ASIC2: variants seen among roughly 807,000 people sequenced by gnomAD.
ASIC2 encodes acid-sensing ion channel 2.
A neutral mutation model predicts 57.3 loss-of-function variants in ASIC2; 25 were observed. That is an observed-to-expected ratio of 0.44 (90% CI 0.32 to 0.61). The LOEUF is 0.61. Among genes scored for constraint, ASIC2 ranks in the 20% least tolerant of loss-of-function variants. The pLI is 0.06. For synonymous variants in ASIC2, 319 were observed against 307.5 expected (o/e 1.04, Z -0.39); for missense variants, 641 against 738.1 (o/e 0.87, Z 1.52).
At chr17:33,258,011 C>T (rs997755368) in intron 1 of ASIC2, among the ~76,000 whole-genome samples, 3 of 152,194 alleles carry the variant, frequency 2.0e-5, no homozygotes, top group Non-Finnish European at 2.9e-5. Flanking sequence ...ATGCCTGGCA[C>T]GTTGTAAGTG....
At chr17:34,087,432 T>C (rs183936110) in intron 1 of ASIC2, among the ~76,000 whole-genome samples, 2,692 of 152,272 alleles carry the variant, frequency 0.018, 73 homozygotes, top group East Asian at 0.059. Flanking sequence ...TGGGCTTCCC[T>C]TTGTGGGTAA....
At chr17:33,879,742 G>T (rs1051070755) in intron 1 of ASIC2, among the ~76,000 whole-genome samples, 2 of 152,246 alleles carry the variant, frequency 1.3e-5, no homozygotes, top group Admixed American at 1.3e-4. Flanking sequence ...ATTCAGCTCC[G>T]CACCAAGCGG....
chr17:33,163,018 G>A (rs1204762713), intron 1 of ASIC2, among the ~76,000 whole-genome samples: 2 of 152,112 alleles, frequency 1.3e-5, no homozygotes, highest in Non-Finnish European at 2.9e-5. Context: ...CCTGTTCTTG[G>A]GCTAAGCTTT....
intron 1 of ASIC2, among the ~76,000 whole-genome samples, chr17:33,184,110 C>A (rs1906093623): frequency 6.6e-6 from 1 of 152,174 alleles, no homozygotes; most frequent in Non-Finnish European, 1.5e-5. Flanking sequence ...CACAACCCAA[C>A]CCCTTTACTT....
chr17:33,444,778 CT>C (rs1003907701), intron 1 of ASIC2, among the ~76,000 whole-genome samples: 3 of 152,230 alleles, frequency 2.0e-5, no homozygotes, highest in Non-Finnish European at 2.9e-5. Flanking sequence ...CAGCTCACCC[CT>C]AGCTGCCCTC....
chr17:33,507,330 C>T (rs183411599), intron 1 of ASIC2, among the ~76,000 whole-genome samples: 120 of 152,314 alleles, frequency 7.9e-4, no homozygotes, highest in Non-Finnish European at 1.6e-3. Context: ...TTGGCCTTAT[C>T]GGCAAGCACA....
intron 1 of ASIC2, among the ~76,000 whole-genome samples, chr17:33,879,816 C>T (rs1247175921): frequency 6.6e-6 from 1 of 152,194 alleles, no homozygotes; most frequent in Non-Finnish European, 1.5e-5. Context: ...TTTTCAGCAC[C>T]ACACCACACC....
chr17:33,201,044 C>T (rs1906838100), intron 1 of ASIC2, among the ~76,000 whole-genome samples: 1 of 152,194 alleles, frequency 6.6e-6, no homozygotes, highest in South Asian at 2.1e-4. Context: ...GCCACCTTCT[C>T]GGAGAGACCT....
At chr17:33,981,944 A>G (rs1905641295) in intron 1 of ASIC2, among the ~76,000 whole-genome samples, 1 of 152,214 alleles carries the variant, frequency 6.6e-6, no homozygotes, top group African/African-American at 2.4e-5. Context: ...CATCTTAACC[A>G]CTACTATCAG....
chr17:34,132,330 T>G (rs1260193937), intron 1 of ASIC2, among the ~76,000 whole-genome samples: 3 of 152,118 alleles, frequency 2.0e-5, no homozygotes, highest in East Asian at 3.9e-4. Context: ...AGATTTATTG[T>G]GAAGAACAAA....
At chr17:33,969,807 G>T (rs1905174427) in intron 1 of ASIC2, among the ~76,000 whole-genome samples, 1 of 152,158 alleles carries the variant, frequency 6.6e-6, no homozygotes, top group Non-Finnish European at 1.5e-5. Context: ...CCAGGTGCTT[G>T]TTGTAGAATG....
chr17:33,143,838 T>A (rs1227050513), intron 1 of ASIC2, among the ~76,000 whole-genome samples: 5 of 152,222 alleles, frequency 3.3e-5, no homozygotes, highest in African/African-American at 1.2e-4. Context: ...AAAAGATGTA[T>A]GCATAAAGGA....
chr17:33,350,814 T>G (rs1908139623), intron 1 of ASIC2, among the ~76,000 whole-genome samples: 1 of 152,108 alleles, frequency 6.6e-6, no homozygotes, highest in African/African-American at 2.4e-5. Flanking sequence ...TTTTAGTTTC[T>G]TGTTGCAAAA....
intron 1 of ASIC2, among the ~76,000 whole-genome samples, chr17:33,134,928 G>T (rs1369275688): frequency 1.3e-5 from 2 of 152,232 alleles, no homozygotes; most frequent in African/African-American, 4.8e-5. Context: ...CTAAGTCAGA[G>T]ACTTAGGATA....
intron 3 of ASIC2, among the ~76,000 whole-genome samples, chr17:33,035,346 T>C (rs2091904865): frequency 6.6e-6 from 1 of 152,204 alleles, no homozygotes; most frequent in African/African-American, 2.4e-5. Context: ...TTTTCCCTCT[T>C]CATGTGTCTA....
Position 33,015,563 on chromosome 17 carries a change from A to G in ASIC2, c.1590+408T>C, listed in dbSNP as rs370127826. Among the ~76,000 whole-genome samples, 41 of 152,258 alleles carry G rather than the reference A, an allele frequency of 2.7e-4. No individual in the cohort carries two copies. In the East Asian group the frequency reaches 7.7e-3, roughly 29 times the overall value. ...TACTACCAACTTCATGGGGCTCCAT[A>G]CTCTATCCCTTTCGAATGGGATGGA... is the stretch of plus-strand genomic sequence containing the variant. On this transcript the variant is annotated intron_variant, in intron 9 of 9. Transcript: ENST00000225823.
At chr17:33,153,398 C>A (rs1904877558) in intron 1 of ASIC2, among the ~76,000 whole-genome samples, 1 of 152,180 alleles carries the variant, frequency 6.6e-6, no homozygotes, top group Non-Finnish European at 1.5e-5. Flanking sequence ...GCAATATGAT[C>A]ACAGGCTAAT....
At chr17:33,858,384 G>A (rs1914017012) in intron 1 of ASIC2, among the ~76,000 whole-genome samples, 2 of 152,198 alleles carry the variant, frequency 1.3e-5, no homozygotes, top group South Asian at 2.1e-4. Flanking sequence ...GTCCAGCCTG[G>A]TGGCTGCAGA....
chr17:33,778,761 A>G lies in ASIC2; in HGVS notation c.555+377217T>C, dbSNP rs568351188. 1.3e-4 allele frequency among the ~76,000 whole-genome samples: 20 copies of G among 152,316 alleles called. No individual in the cohort carries two copies. The South Asian group carries it at 2.1e-3, about 16-fold the overall frequency. On this transcript the variant is annotated intron_variant, in intron 1 of 9. Coordinates refer to the ASIC2 transcript ENST00000359872. ...GATGGGAAAGAGTAACTAAACGCAC[A>G]GGGTATTGATGCACGTTAAGTGAGA...
Sources: allele counts gnomAD v4.1 joint callset (sites outside exome capture counted in the v4.1 genomes callset), GRCh38; gene constraint gnomAD v4.1.1; transcripts MANE v1.5; gene names NCBI Gene and HGNC (gene_info 2026-07-23, HGNC 2026-07-21).